Variants in CDH8 observed in about 807,000 individuals in gnomAD.
CDH8 encodes cadherin-8.
In CDH8, 17 loss-of-function variants were observed where a neutral mutation model predicts 68.1. That is an observed-to-expected ratio of 0.25 (90% CI 0.17 to 0.37). The LOEUF (loss-of-function observed/expected upper bound fraction) is 0.37, where lower values mean the gene tolerates loss of function less well. CDH8 is among the 10% of genes least tolerant of loss of function. CDH8 has a pLI of 1.00. For missense variants in CDH8, 763 were observed against 999.3 expected, an observed-to-expected ratio of 0.76 and a Z score of 3.19; for synonymous variants, 372 against 365.1, an observed-to-expected ratio of 1.02 and a Z score of -0.21.
At chr16:61,682,336 A>G (rs1185665661) in intron 10 of CDH8, among the ~76,000 whole-genome samples, 1 of 151,968 alleles carries the variant, frequency 6.6e-6, no homozygotes, top group Admixed American at 6.6e-5. Flanking sequence ...TAGAAATCTA[A>G]GAAGATGTGA....
At chr16:61,871,112 A>G (rs1267522067) in intron 3 of CDH8, among the ~76,000 whole-genome samples, 1 of 151,996 alleles carries the variant, frequency 6.6e-6, no homozygotes, top group Non-Finnish European at 1.5e-5. Flanking sequence ...CACCCCAATA[A>G]TTAGTCCAGC....
chr16:61,774,551 G>T (rs919684567), intron 8 of CDH8, among the ~76,000 whole-genome samples: 1 of 151,690 alleles, frequency 6.6e-6, no homozygotes. Context: ...GCTGTCTAGG[G>T]TATATTTAAA....
chr16:61,773,748 A>G (rs1052269879), intron 8 of CDH8, among the ~76,000 whole-genome samples: 5 of 152,118 alleles, frequency 3.3e-5, no homozygotes, highest in African/African-American at 1.2e-4. Context: ...CAGGGTGGAT[A>G]GAATTGGCAG....
In CDH8 at chr16:61,774,824, C is replaced by G. The variant is rs1960865566; in HGVS notation, c.1414+14522G>C. ...CAACCAAATACGTATGTGTTATAAGCCTTGAACAGTTATTTAAAAGAAAAT... is the reference window on the plus strand; with the variant it reads ...CAACCAAATACGTATGTGTTATAAGGCTTGAACAGTTATTTAAAAGAAAAT... On this transcript the variant is annotated intron_variant, in intron 8 of 11. Coordinates refer to ENST00000577390, the MANE Select transcript of CDH8 (RefSeq NM_001796.5). Among the ~76,000 whole-genome samples, 3 of 152,064 alleles carry G rather than the reference C, an allele frequency of 2.0e-5. No homozygotes were observed. The East Asian group carries it at 5.8e-4, about 29-fold the overall frequency.
chr16:62,027,687 A>T (rs975738929), intron 1 of CDH8, among the ~76,000 whole-genome samples: 1 of 152,184 alleles, frequency 6.6e-6, no homozygotes, highest in African/African-American at 2.4e-5. Flanking sequence ...GTGGCGATTC[A>T]GTGTGTGACC....
intron 4 of CDH8, among the ~76,000 whole-genome samples, chr16:61,833,555 G>C (rs1011938451): frequency 6.6e-6 from 1 of 151,844 alleles, no homozygotes; most frequent in Non-Finnish European, 1.5e-5. Context: ...TTTCAAAAAA[G>C]TAATGCTTCC....
Position 61,820,791 on chromosome 16 carries a change from A to G in CDH8, c.1023+135T>C, listed in dbSNP as rs569694319. On this transcript the variant is annotated intron_variant, in intron 6 of 11. Transcript: ENST00000577390. Reference sequence around the variant, plus strand: ...AGTTGCCAAAAGGACTGTACTAGTTATCTTGTCTTACTGCTCAAAGCTAAA... The same window carrying G: ...AGTTGCCAAAAGGACTGTACTAGTTGTCTTGTCTTACTGCTCAAAGCTAAA... 4.5e-6 allele frequency: 3 copies of G among 665,290 alleles called. No homozygotes were observed. In the Admixed American group the frequency reaches 8.5e-5, roughly 19 times the overall value. The allele number at this position is 665,290 out of a possible 1,614,324, so 41.2% of individuals were successfully genotyped here. A position where few individuals can be genotyped will look rare whatever the true frequency, so the allele number is the denominator to read the frequency against.
chr16:61,945,578 T>G (rs2143561244), intron 2 of CDH8, among the ~76,000 whole-genome samples: 1 of 152,334 alleles, frequency 6.6e-6, no homozygotes, highest in Admixed American at 6.5e-5. Context: ...AGTCTAAGTT[T>G]GCTTAAGAGT....
chr16:61,763,483 G>A (rs184708387), intron 8 of CDH8, among the ~76,000 whole-genome samples: 2 of 152,236 alleles, frequency 1.3e-5, no homozygotes, highest in Admixed American at 6.5e-5. Flanking sequence ...AAGACTCCAA[G>A]TCTACAGAAT....
At chr16:61,976,726 G>A (rs1965441476) in intron 2 of CDH8, among the ~76,000 whole-genome samples, 2 of 152,158 alleles carry the variant, frequency 1.3e-5, no homozygotes, top group South Asian at 4.1e-4. Context: ...ATTATACTAA[G>A]AACACATCAG....
chr16:61,729,724 T>G (rs1358301618), intron 8 of CDH8, among the ~76,000 whole-genome samples: 1 of 151,412 alleles, frequency 6.6e-6, no homozygotes, highest in Non-Finnish European at 1.5e-5. Context: ...TTAATCTCGC[T>G]AAATATTCAA....
At chr16:62,001,364 A>G (rs779791104) in intron 2 of CDH8, among the ~76,000 whole-genome samples, 3 of 152,192 alleles carry the variant, frequency 2.0e-5, no homozygotes, top group Non-Finnish European at 4.4e-5. Flanking sequence ...TCCTAAGAAT[A>G]ATTTAAGCCC....
intron 2 of CDH8, among the ~76,000 whole-genome samples, chr16:61,982,508 C>T (rs1384755973): frequency 6.6e-6 from 1 of 152,182 alleles, no homozygotes; most frequent in Non-Finnish European, 1.5e-5. Context: ...CGTGAACCAC[C>T]GCGCCCGGCT....
intron 4 of CDH8, among the ~76,000 whole-genome samples, chr16:61,842,531 A>AT (rs1431963029): frequency 6.6e-6 from 1 of 152,142 alleles, no homozygotes; most frequent in Non-Finnish European, 1.5e-5. Context: ...ACTTTTGTTT[A>AT]TTATAAATTA....
At chr16:61,917,274 G>A (rs1964255299) in intron 2 of CDH8, among the ~76,000 whole-genome samples, 1 of 151,968 alleles carries the variant, frequency 6.6e-6, no homozygotes, top group African/African-American at 2.4e-5. Context: ...TTTTCTGGAT[G>A]GCCTTGAACC....
Position 61,648,422 on chromosome 16 carries a change from T to A in CDH8, c.*5186A>T. 6.6e-6 allele frequency: 1 copy of A among 152,588 alleles called. No individual in the cohort carries two copies. The highest frequency in any genetic ancestry group is 3.4e-3 in the Middle Eastern group (1 of 296). 9.5% of individuals were successfully genotyped at this position (152,588 alleles called of 1,614,324 possible). On this transcript the variant is annotated 3_prime_UTR_variant, in exon 12 of 12. Coordinates refer to ENST00000577390, the MANE Select transcript of CDH8 (RefSeq NM_001796.5). Reference sequence around the variant, plus strand: ...TGGAAAATTTCACCGTGACGTCTTCTTGAGTCTTCCCATATGGGGTCCCTT... The same window carrying A: ...TGGAAAATTTCACCGTGACGTCTTCATGAGTCTTCCCATATGGGGTCCCTT...
intron 10 of CDH8, among the ~76,000 whole-genome samples, chr16:61,696,350 C>T (rs1239418608): frequency 6.6e-6 from 1 of 152,106 alleles, no homozygotes; most frequent in African/African-American, 2.4e-5. Context: ...GTGCAGTTAA[C>T]CTAAAGCAAT....
chr16:61,901,605 A>G, intron 2 of CDH8, 132 bp from the exon 3 acceptor site: 1 of 631,400 alleles, frequency 1.6e-6, no homozygotes, highest in South Asian at 2.0e-5. Context: ...TAGCTGTACA[A>G]AGTGTATGCA....
intron 3 of CDH8, among the ~76,000 whole-genome samples, chr16:61,884,105 G>A (rs1423515767): frequency 2.0e-5 from 3 of 152,056 alleles, no homozygotes; most frequent in East Asian, 1.9e-4. Flanking sequence ...TTGGTCATAC[G>A]CTTGAAAAAC....
Sources: allele counts gnomAD v4.1 joint callset (sites outside exome capture counted in the v4.1 genomes callset), GRCh38; gene constraint gnomAD v4.1.1; transcripts MANE v1.5; gene names NCBI Gene and HGNC (gene_info 2026-07-23, HGNC 2026-07-21).